The following LCLAT1 variants were observed in gnomAD, a reference collection of about 807,000 sequenced individuals.
The protein encoded by LCLAT1 is lysocardiolipin acyltransferase 1.
In LCLAT1, 11 loss-of-function variants were observed where a neutral mutation model predicts 30.7. That is an observed-to-expected ratio of 0.36 (90% CI 0.23 to 0.59). The LOEUF is 0.59. LCLAT1 is among the 20% of genes least tolerant of loss of function. LCLAT1 has a pLI of 0.77. For missense variants in LCLAT1, 402 were observed against 458.6 expected (o/e 0.88, Z 1.13); for synonymous variants, 155 against 151.3 (o/e 1.02, Z -0.18).
intron 4 of LCLAT1, among the ~76,000 whole-genome samples, chr2:30,564,293 CA>C (rs1665377083): frequency 6.6e-6 from 1 of 151,878 alleles, no homozygotes; most frequent in Admixed American, 6.6e-5. Context: ...AAATGTACAC[CA>C]AAGAATGCCA....
At chr2:30,467,080 C>G (rs148283861) in intron 1 of LCLAT1, among the ~76,000 whole-genome samples, 12,253 of 152,156 alleles carry the variant, frequency 0.081, 871 homozygotes, top group African/African-American at 0.19. Context: ...CTAATGCTAT[C>G]CCTCCCCTCT....
chr2:30,518,131 G>C (rs1685280138), intron 1 of LCLAT1, among the ~76,000 whole-genome samples: 1 of 152,160 alleles, frequency 6.6e-6, no homozygotes, highest in Non-Finnish European at 1.5e-5. Flanking sequence ...AGGCAAAAAG[G>C]TAGCTTACTG....
At chr2:30,459,474 A>G (rs907522142) in intron 1 of LCLAT1, 6 of 700,922 alleles carry the variant, frequency 8.6e-6, no homozygotes, top group Admixed American at 6.6e-5. Flanking sequence ...TGTTTACTCC[A>G]TGAACCATCT....
intron 3 of LCLAT1, among the ~76,000 whole-genome samples, chr2:30,538,611 G>C (rs1008876462): frequency 1.3e-5 from 2 of 151,566 alleles, no homozygotes; most frequent in East Asian, 3.9e-4. Context: ...CTGTAGCGTG[G>C]GGTGACAGAG....
At chr2:30,557,549 G>A (rs569762751) in intron 3 of LCLAT1, among the ~76,000 whole-genome samples, 2 of 151,894 alleles carry the variant, frequency 1.3e-5, no homozygotes, top group African/African-American at 4.8e-5. Flanking sequence ...TGAGAAGCTG[G>A]GATTACAGGC....
intron 1 of LCLAT1, among the ~76,000 whole-genome samples, chr2:30,503,976 G>A (rs1045246318): frequency 1.2e-4 from 19 of 152,072 alleles, no homozygotes; most frequent in African/African-American, 3.9e-4. Context: ...ACGCTTAGCC[G>A]GTCACAGGAG....
intron 5 of LCLAT1, among the ~76,000 whole-genome samples, chr2:30,603,151 A>G (rs1232991253): frequency 6.6e-6 from 1 of 152,200 alleles, no homozygotes; most frequent in Non-Finnish European, 1.5e-5. Context: ...TAAGAAATTT[A>G]AAATATGTGT....
intron 1 of LCLAT1, among the ~76,000 whole-genome samples, chr2:30,513,003 A>C (rs1685013450): frequency 6.6e-6 from 1 of 152,206 alleles, no homozygotes; most frequent in Non-Finnish European, 1.5e-5. Context: ...CTGCCTTATT[A>C]CTAACTTAAA....
intron 5 of LCLAT1, among the ~76,000 whole-genome samples, chr2:30,637,982 C>T (rs894093959): frequency 6.6e-6 from 1 of 152,142 alleles, no homozygotes; most frequent in Non-Finnish European, 1.5e-5. Flanking sequence ...CTTCCTCTAC[C>T]CCCTGCGAAC....
intron 5 of LCLAT1, among the ~76,000 whole-genome samples, chr2:30,598,660 T>G (rs572275513): frequency 6.6e-6 from 1 of 152,280 alleles, no homozygotes; most frequent in South Asian, 2.1e-4. Context: ...CCTTCACTTC[T>G]GCTCTGATCT....
At chr2:30,487,597 C>A (rs867585132) in intron 1 of LCLAT1, among the ~76,000 whole-genome samples, 2 of 152,074 alleles carry the variant, frequency 1.3e-5, no homozygotes, top group South Asian at 4.1e-4. Context: ...TACAACCAGT[C>A]CTGAGAAAAA....
chr2:30,640,573 G>T lies in LCLAT1; in HGVS notation c.1085G>T (p.Arg362Leu), dbSNP rs183125454. ...GLEIIELACY[R>L]LLHKQPHLNS... ...GAGATCATAGAACTTGCATGTTACC[G>T]ACTTTTACACAAACAGCCACATTTA... The change falls in exon 6 of 6, where the codon CGA (arginine) becomes CTA (leucine). Residue 362 changes from arginine to leucine, a missense_variant. Transcript: ENST00000379509. The T allele has an allele frequency of 1.2e-6, 2 of 1,612,514 alleles. No homozygotes were observed. Among genetic ancestry groups the T allele is most frequent in the South Asian group, 1.1e-5 (1 of 90,578 alleles).
intron 4 of LCLAT1, among the ~76,000 whole-genome samples, chr2:30,564,048 G>A (rs1177970822): frequency 6.6e-6 from 1 of 152,064 alleles, no homozygotes; most frequent in Non-Finnish European, 1.5e-5. Flanking sequence ...ATAATACTGA[G>A]GATAATAATG....
At chr2:30,504,468 C>G (rs1280735481) in intron 1 of LCLAT1, among the ~76,000 whole-genome samples, 1 of 152,112 alleles carries the variant, frequency 6.6e-6, no homozygotes, top group Non-Finnish European at 1.5e-5. Context: ...TTTTAGTTTA[C>G]TAAATACTTT....
rs539938083 is a variant in LCLAT1, at chr2:30,605,833, C to T, written c.629-34284C>T. Among the ~76,000 whole-genome samples the T allele has an allele frequency of 2.6e-5, 4 of 152,230 alleles. No homozygotes were observed. In the South Asian group the frequency reaches 6.2e-4, roughly 24 times the overall value. ...ACTGGTTTTGTGGAAGACCATTTGT[C>T]CACGGCTCGGGGAGGGAGTGGGGGG... On this transcript the variant is annotated intron_variant, in intron 5 of 5. Coordinates refer to ENST00000379509, the MANE Select transcript of LCLAT1 (RefSeq NM_001002257.3).
chr2:30,586,368 G>C (rs1296575203), intron 5 of LCLAT1, among the ~76,000 whole-genome samples: 1 of 151,840 alleles, frequency 6.6e-6, no homozygotes, highest in Non-Finnish European at 1.5e-5. Context: ...GTCCTTCCTT[G>C]CCTCTTCTTG....
intron 3 of LCLAT1, among the ~76,000 whole-genome samples, chr2:30,560,283 G>GGTGTGT (rs57326977): frequency 0.013 from 1,860 of 144,556 alleles, 21 homozygotes; most frequent in South Asian, 0.022. Flanking sequence ...AATAAAGTGT[G>GGTGTGT]GTGTGTGTGT....
At chr2:30,598,610 ATTTGTT>A (rs904768334) in intron 5 of LCLAT1, among the ~76,000 whole-genome samples, 2 of 151,528 alleles carry the variant, frequency 1.3e-5, no homozygotes, top group African/African-American at 4.9e-5. Flanking sequence ...GGATTCATTG[ATTTGTT>A]TTTATTTTTG....
intron 5 of LCLAT1, among the ~76,000 whole-genome samples, chr2:30,610,895 GTTA>G (rs1667704223): frequency 6.6e-6 from 1 of 151,816 alleles, no homozygotes; most frequent in Non-Finnish European, 1.5e-5. Context: ...GGACTTAACT[GTTA>G]TTATTTCCTC....
Sources: allele counts gnomAD v4.1 joint callset (sites outside exome capture counted in the v4.1 genomes callset), GRCh38; gene constraint gnomAD v4.1.1; transcripts MANE v1.5; gene names NCBI Gene and HGNC (gene_info 2026-07-23, HGNC 2026-07-21).